Variants in PDZRN3 observed in about 807,000 individuals in gnomAD.
PDZRN3 encodes the protein PDZ domain containing ring finger 3, also known as E3 ubiquitin-protein ligase PDZRN3.
Under a neutral mutation model 85.7 loss-of-function variants are expected in PDZRN3, and 38 were observed. The ratio of observed to expected loss-of-function variants is 0.44; its 90% CI spans 0.34 to 0.58. The LOEUF is 0.58. PDZRN3 is among the 20% of genes least tolerant of loss of function. PDZRN3 has a pLI of 0.01. For missense variants in PDZRN3, 1,629 were observed against 1,506.4 expected, an observed-to-expected ratio of 1.08 and a Z score of -1.35; for synonymous variants, 759 against 638.0, an observed-to-expected ratio of 1.19 and a Z score of -2.86.
intron 3 of PDZRN3, among the ~76,000 whole-genome samples, chr3:73,419,113 A>G (rs934024978): frequency 2.6e-5 from 4 of 152,188 alleles, no homozygotes; most frequent in Non-Finnish European, 5.9e-5. Flanking sequence ...AGACATGGGT[A>G]GAATTTGCTA....
chr3:73,392,727 C>A (rs955225270), intron 5 of PDZRN3, among the ~76,000 whole-genome samples: 2 of 152,084 alleles, frequency 1.3e-5, no homozygotes, highest in East Asian at 3.9e-4. Flanking sequence ...TTTCTGAACA[C>A]CAATATGTTA....
intron 3 of PDZRN3, among the ~76,000 whole-genome samples, chr3:73,543,295 C>G (rs966245905): frequency 1.3e-5 from 2 of 152,204 alleles, no homozygotes; most frequent in African/African-American, 4.8e-5. Flanking sequence ...AAGAGCACAG[C>G]AGAACTGCCT....
At chr3:73,395,329 A>G (rs1162508280) in intron 5 of PDZRN3, among the ~76,000 whole-genome samples, 2 of 152,252 alleles carry the variant, frequency 1.3e-5, no homozygotes, top group African/African-American at 4.8e-5. Flanking sequence ...TGGAGATAAG[A>G]TTTCAAAGAA....
Position 73,624,880 on chromosome 3 carries a change from C to A in PDZRN3, c.-55G>T, listed in dbSNP as rs1702947082. ...GGGCGGCCGGGCGCCCCCTCCCTCC[C>A]CACGAGGCGGCCCAGACAGGCCGGC... On this transcript the variant is annotated 5_prime_UTR_variant, in exon 1 of 10. Transcript: ENST00000263666. 8.0e-7 allele frequency: 1 copy of A among 1,257,164 alleles called. No homozygotes were observed. Among genetic ancestry groups the A allele is most frequent in the Non-Finnish European group, 1.0e-6 (1 of 1,000,768 alleles). The allele number at this position is 1,257,164 out of a possible 1,614,324, so 77.9% of individuals were successfully genotyped here.
intron 1 of PDZRN3, among the ~76,000 whole-genome samples, chr3:73,622,175 G>C (rs999990471): frequency 6.6e-6 from 1 of 152,186 alleles, no homozygotes; most frequent in African/African-American, 2.4e-5. Flanking sequence ...CCAGTCTTTT[G>C]TGTGCCTGTG....
intron 3 of PDZRN3, among the ~76,000 whole-genome samples, chr3:73,475,650 A>G (rs1703435180): frequency 6.6e-6 from 1 of 152,220 alleles, no homozygotes; most frequent in African/African-American, 2.4e-5. Context: ...AAACACTCAG[A>G]TGGGTGATTG....
At chr3:73,503,735 G>A (rs1053958480) in intron 3 of PDZRN3, among the ~76,000 whole-genome samples, 1 of 152,178 alleles carries the variant, frequency 6.6e-6, no homozygotes. Context: ...AACCATGAAC[G>A]TGCCTTGAGA....
At chr3:73,582,316 T>G (rs1194908480) in intron 3 of PDZRN3, among the ~76,000 whole-genome samples, 1 of 152,078 alleles carries the variant, frequency 6.6e-6, no homozygotes, top group African/African-American at 2.4e-5. Context: ...AACATTTTAA[T>G]CTGGGGGATG....
At chr3:73,551,183 G>T (rs1701542479) in intron 3 of PDZRN3, among the ~76,000 whole-genome samples, 1 of 152,142 alleles carries the variant, frequency 6.6e-6, no homozygotes, top group Non-Finnish European at 1.5e-5. Flanking sequence ...TCCTGTTGTG[G>T]CTTATTAAGA....
chr3:73,459,266 A>C lies in PDZRN3; in HGVS notation c.919-54871T>G, dbSNP rs548729024. On this transcript the variant is annotated intron_variant, in intron 3 of 9. Transcript: ENST00000263666. ...TCCCACCAGGTCCCTCCCATAACAC[A>C]TGGGGATTATAATTCAAGATGAGAT... is the stretch of plus-strand genomic sequence containing the variant. 3.3e-5 allele frequency among the ~76,000 whole-genome samples: 5 copies of C among 152,252 alleles called. No homozygotes were observed. In the East Asian group the frequency reaches 9.7e-4, roughly 29 times the overall value.
chr3:73,385,090 A>T (rs553690720), intron 9 of PDZRN3, among the ~76,000 whole-genome samples, 160 bp from the exon 10 acceptor site: 1 of 152,346 alleles, frequency 6.6e-6, no homozygotes, highest in African/African-American at 2.4e-5. Context: ...CGTGGGCCTT[A>T]GCTACACCTA....
chr3:73,489,148 C>T (rs1703721392), intron 3 of PDZRN3, among the ~76,000 whole-genome samples: 1 of 152,182 alleles, frequency 6.6e-6, no homozygotes. Flanking sequence ...GGAGAGGTAC[C>T]CAGCAGCTAG....
chr3:73,587,175 C>T (rs775227879), intron 3 of PDZRN3, among the ~76,000 whole-genome samples: 12 of 152,160 alleles, frequency 7.9e-5, no homozygotes, highest in Non-Finnish European at 1.3e-4. Context: ...GCCATGAAAT[C>T]AATGTAGTGA....
intron 3 of PDZRN3, among the ~76,000 whole-genome samples, chr3:73,500,661 C>T (rs904741478): frequency 5.3e-5 from 8 of 152,276 alleles, no homozygotes; most frequent in Middle Eastern, 3.4e-3. Flanking sequence ...TTTATGTTGG[C>T]ATCTTACTAA....
At chr3:73,388,792 C>G (rs1482628917) in intron 7 of PDZRN3, among the ~76,000 whole-genome samples, 1 of 151,762 alleles carries the variant, frequency 6.6e-6, no homozygotes, top group Non-Finnish European at 1.5e-5. Context: ...AGTGATTGCC[C>G]TCAATTACCA....
intron 3 of PDZRN3, among the ~76,000 whole-genome samples, chr3:73,552,751 T>A (rs1211402382): frequency 6.6e-6 from 1 of 152,206 alleles, no homozygotes. Flanking sequence ...GGAAGAAGTA[T>A]GATTAATAAA....
At chr3:73,434,045 A>G (rs1702485473) in intron 3 of PDZRN3, 1 of 769,546 alleles carries the variant, frequency 1.3e-6, no homozygotes, top group African/African-American at 1.8e-5. Context: ...CATGCATATT[A>G]ATCAGCTCTC....
At chr3:73,415,442 A>C (rs1702058317) in intron 3 of PDZRN3, among the ~76,000 whole-genome samples, 2 of 152,182 alleles carry the variant, frequency 1.3e-5, no homozygotes, top group African/African-American at 4.8e-5. Flanking sequence ...TGTTTTTAAA[A>C]AATATTTTTA....
intron 1 of PDZRN3, among the ~76,000 whole-genome samples, chr3:73,612,383 A>C (rs1702698110): frequency 6.6e-6 from 1 of 152,214 alleles, no homozygotes; most frequent in Non-Finnish European, 1.5e-5. Flanking sequence ...CTGCCTCCAA[A>C]GACTGAGCCT....
Sources: gnomAD v4.1 joint callset for allele counts (sites outside exome capture counted in the v4.1 genomes callset) on GRCh38, gnomAD v4.1.1 for gene constraint, MANE v1.5 for transcripts, NCBI Gene and HGNC (gene_info 2026-07-23, HGNC 2026-07-21) for gene names.